The following AGRN variants were observed in gnomAD, a reference collection of about 807,000 sequenced individuals.
AGRN encodes agrin, also known as agrin proteoglycan.
AGRN carries 106 observed loss-of-function variants against 211.0 expected under a neutral mutation model. That is an observed-to-expected ratio of 0.50 (90% confidence interval 0.43 to 0.59). The LOEUF (loss-of-function observed/expected upper bound fraction) is 0.59, where lower values mean the gene tolerates loss of function less well. Among genes scored for constraint, AGRN ranks in the 20% least tolerant of loss-of-function variants. AGRN has a pLI of 0.00. For missense variants in AGRN, 3,040 were observed against 2,982.6 expected, an observed-to-expected ratio of 1.02 and a Z score of -0.45; for synonymous variants, 1,525 against 1,332.5, an observed-to-expected ratio of 1.14 and a Z score of -3.15.
At chr1:1,053,344 G>A (rs1041758003) in intron 33 of AGRN, 19 of 941,152 alleles carry the variant, frequency 2.0e-5, no homozygotes, top group Admixed American at 1.8e-4. Context: ...AGTGATCCTC[G>A]AGGTCACGCA....
intron 4 of AGRN, 61 bp from the exon 5 acceptor site, chr1:1,041,111 CG>C (rs1416353417): frequency 2.6e-5 from 5 of 190,530 alleles, no homozygotes; most frequent in Middle Eastern, 1.1e-3. Flanking sequence ...CGGAGCGGGG[CG>C]GGAGCGGGGC....
chr1:1,049,739 C>T lies in AGRN; in HGVS notation c.4688C>T (p.Pro1563Leu), dbSNP rs1310924464. 2.5e-6 allele frequency: 4 copies of T among 1,580,476 alleles called. No homozygotes were observed. The highest frequency in any genetic ancestry group is 3.4e-6 in the Non-Finnish European group (4 of 1,165,304). The change falls in exon 26 of 36, where the codon CCA becomes CTA. Residue 1563 changes from proline (P) to leucine (L), a missense_variant. Physicochemically the swap from Pro to Leu is moderately conservative, Grantham distance 98. Coordinates refer to ENST00000379370, the MANE Select transcript of AGRN (RefSeq NM_198576.4). Reference sequence around the variant, plus strand: ...CCCAACCCCTGCCATGGCGGGGCCCCATGCCAGAACCTGGAGGCTGGAAGG... The same window carrying T: ...CCCAACCCCTGCCATGGCGGGGCCCTATGCCAGAACCTGGAGGCTGGAAGG... Reference protein sequence around the residue: ...CLPNPCHGGAPCQNLEAGRFH... With the variant: ...CLPNPCHGGALCQNLEAGRFH...
At position 1,046,774 on chromosome 1, in the gene AGRN, G is replaced by A. The variant is rs377056710; in HGVS notation, c.3250+39G>A. The A allele has an allele frequency of 5.7e-6, 9 of 1,571,704 alleles. No homozygotes were observed. In the East Asian group the frequency reaches 1.1e-4, roughly 20 times the overall value. On this transcript the variant is annotated intron_variant, in intron 18 of 35. Coordinates refer to ENST00000379370, the MANE Select transcript of AGRN (RefSeq NM_198576.4). ...AAGGACTTGGGGTGGGTGGGCAGGC[G>A]CCGAGAGGCTCCACCAGAGCCTGGG...
intron 2 of AGRN, among the ~76,000 whole-genome samples, chr1:1,025,193 G>A (rs1644493073): frequency 1.3e-5 from 2 of 152,084 alleles, no homozygotes; most frequent in Non-Finnish European, 2.9e-5. Flanking sequence ...CAGGGACAGG[G>A]CAGGGGGCCA....
In AGRN at chr1:1,054,562, T is replaced by C. The variant is rs140676931; in HGVS notation, c.5980+11T>C. 1.3e-5 allele frequency: 20 copies of C among 1,579,972 alleles called. No homozygotes were observed. The highest frequency in any genetic ancestry group is 2.2e-4 in the Middle Eastern group (1 of 4,520). The stretch of plus-strand genomic sequence containing the variant: ...GAGCCCTGTGGCTTGGTGAGTGTTT[T>C]GGGGAGACTAGAGAGGGATGCCCAA... On this transcript the variant is annotated intron_variant, in intron 35 of 35. Coordinates refer to ENST00000379370, the MANE Select transcript of AGRN (RefSeq NM_198576.4).
Position 1,046,449 on chromosome 1 carries a change from C to T in AGRN, c.2964C>T (p.Thr988=), listed in dbSNP as rs775697927. The T allele has an allele frequency of 1.2e-6, 2 of 1,612,356 alleles. No homozygotes were observed. The highest frequency in any genetic ancestry group is 1.3e-5 in the African/African-American group (1 of 74,900). Residue 988 remains threonine, a synonymous_variant, in exon 18 of 36, where the codon ACC becomes ACT. Coordinates refer to ENST00000379370, the MANE Select transcript of AGRN (RefSeq NM_198576.4). ...CATCTGCCTCCGTGACTGTGACCAC[C>T]CCAGGGCTCCTCCTGAGCCAGGCAC... ...HPTSASVTVT[T]PGLLLSQALP...
intron 33 of AGRN, chr1:1,053,064 C>T (rs774755541): frequency 1.5e-4 from 30 of 200,854 alleles, no homozygotes; most frequent in African/African-American, 6.4e-4. Flanking sequence ...TGTAGGTTTG[C>T]GTGCATGCAC....
rs960151318 is a variant in AGRN at position 1,020,417 on chromosome 1, C to T, written c.201+44C>T. The T allele has an allele frequency of 2.8e-5, 42 of 1,475,894 alleles. No homozygotes were observed. In the East Asian group the frequency reaches 1.2e-3, roughly 43 times the overall value. 91.4% of individuals were successfully genotyped at this position (1,475,894 alleles called of 1,614,324 possible). A position where few individuals can be genotyped will look rare whatever the true frequency, so the allele number is the denominator to read the frequency against. On this transcript the variant is annotated intron_variant, in intron 1 of 35. Coordinates refer to ENST00000379370, the MANE Select transcript of AGRN (RefSeq NM_198576.4). ...CGGCCTCCCCTCGCGACGCCTGCCG[C>T]CCCGCCGGGACCCCCGCCCCAGGCC... is the stretch of plus-strand genomic sequence containing the variant.
chr1:1,020,404 G>GCGA, intron 1 of AGRN, 31 bp downstream of exon 1: 1 of 1,483,060 alleles, frequency 6.7e-7, no homozygotes. Context: ...GCCTCCCCTC[G>GCGA]CGACGCCTGC....
At chr1:1,047,010 G>A in intron 19 of AGRN, 53 bp downstream of exon 19, 1 of 1,551,334 alleles carries the variant, frequency 6.4e-7, no homozygotes, top group Admixed American at 1.9e-5. Flanking sequence ...GCTCGGCCGA[G>A]GTGCTGCCCC....
At position 1,041,351 on chromosome 1, in the gene AGRN, C is replaced by T; in HGVS notation, c.906C>T (p.Ala302=). The T allele has an allele frequency of 6.5e-7, 1 of 1,530,276 alleles. No individual in the cohort carries two copies. Among genetic ancestry groups the T allele is most frequent in the South Asian group, 1.2e-5 (1 of 83,350 alleles). The allele number at this position is 1,530,276 out of a possible 1,614,324, so 94.8% of individuals were successfully genotyped here. Residue 302 remains alanine (A), a synonymous_variant, in exon 5 of 36, where the codon GCC becomes GCT. Transcript: ENST00000379370. ...GCGAGTGCCAGCTCCTGCGCCGCGC[C>T]TGCGCCCGCCAGGAGAATGTCTTCA... is the stretch of plus-strand genomic sequence containing the variant. ...YPGECQLLRR[A]CARQENVFKK...
At chr1:1,052,242 C>A in intron 33 of AGRN, 1 of 381,420 alleles carries the variant, frequency 2.6e-6, no homozygotes, top group Non-Finnish European at 5.0e-6. Context: ...ACCACTGAGG[C>A]TGTACACACC....
At chr1:1,022,860 C>T (rs573650037) in intron 2 of AGRN, among the ~76,000 whole-genome samples, 12 of 152,380 alleles carry the variant, frequency 7.9e-5, no homozygotes, top group Admixed American at 3.3e-4. Flanking sequence ...GAGCACTCCT[C>T]GCCGTGGAGA....
intron 2 of AGRN, among the ~76,000 whole-genome samples, chr1:1,029,737 G>C (rs1272654174): frequency 9.2e-6 from 1 of 108,808 alleles, no homozygotes; most frequent in Admixed American, 8.4e-5. Flanking sequence ...ATGGTGCTGT[G>C]AGATCAGCGT....
chr1:1,045,690 G>T (rs568555926), intron 14 of AGRN, 43 bp from the exon 15 acceptor site: 1 of 1,612,958 alleles, frequency 6.2e-7, no homozygotes. Context: ...GGGGAAGCCC[G>T]TCCAGGTGCG....
At chr1:1,052,906 G>A (rs992270952) in intron 33 of AGRN, 4 of 160,858 alleles carry the variant, frequency 2.5e-5, no homozygotes, top group African/African-American at 9.7e-5. Flanking sequence ...GTGTGTGCAT[G>A]GGTCCGTGTA....
Position 1,049,874 on chromosome 1 carries a change from C to T in AGRN, c.4745-29C>T, listed in dbSNP as rs190261882. The T allele has an allele frequency of 1.4e-3, 2,316 of 1,611,726 alleles. 19 individuals are homozygous for T. The African/African-American group carries it at 0.026, about 18-fold the overall frequency. Reference sequence around the variant, plus strand: ...ACCCAACCGACGCCTCCTGGGACCTCGGTCCCGGTCCCGTCTTCCTCCATC... The same window carrying T: ...ACCCAACCGACGCCTCCTGGGACCTTGGTCCCGGTCCCGTCTTCCTCCATC... On this transcript the variant is annotated intron_variant, in intron 26 of 35. Coordinates refer to ENST00000379370, the MANE Select transcript of AGRN (RefSeq NM_198576.4).
chr1:1,030,027 G>C (rs1296746886), intron 2 of AGRN, among the ~76,000 whole-genome samples: 1 of 132,298 alleles, frequency 7.6e-6, no homozygotes, highest in Non-Finnish European at 1.6e-5. Flanking sequence ...ATCAGCATGT[G>C]TGTGTGCAGT....
chr1:1,046,855 C>G lies in AGRN; in HGVS notation c.3286C>G (p.Pro1096Ala), dbSNP rs766445747. 1.3e-6 allele frequency: 2 copies of G among 1,586,522 alleles called. No individual in the cohort carries two copies. Among genetic ancestry groups the G allele is most frequent in the Non-Finnish European group, 1.7e-6 (2 of 1,168,628 alleles). ...CTTGGAGGGCAGCAGCGTGGCCACC[C>G]CTGGGCCACCTGTCGAGAGGGCTTC... is the stretch of plus-strand genomic sequence containing the variant. The part of the protein sequence containing the change: ...EPLEGSSVAT[P>A]GPPVERASCY... The change falls in exon 19 of 36, where the codon CCT becomes GCT. Residue 1096 changes from proline (P) to alanine (A), a missense_variant. This residue lies in a region of AGRN where 1,537 missense variants were observed against 1,505.0 expected (regional missense o/e 1.02). Transcript: ENST00000379370.
Sources: gnomAD v4.1 joint callset for allele counts (sites outside exome capture counted in the v4.1 genomes callset) on GRCh38, gnomAD v4.1.1 for gene constraint, gnomAD v4.1.1 regional missense constraint, MANE v1.5 for transcripts, NCBI Gene and HGNC (gene_info 2026-07-23, HGNC 2026-07-21) for gene names.